ITPR3: variants seen among roughly 807,000 people sequenced by gnomAD.
ITPR3 encodes inositol 1,4,5-trisphosphate receptor type 3, also known as inositol 1,4,5-trisphosphate-gated calcium channel ITPR3.
ITPR3 carries 173 observed loss-of-function variants against 293.2 expected under a neutral mutation model. That is an observed-to-expected ratio of 0.59 (90% CI 0.52 to 0.67). ITPR3 has a LOEUF of 0.67. Among genes scored for constraint, ITPR3 ranks in the 30% least tolerant of loss-of-function variants. ITPR3 has a pLI of 0.00. For synonymous variants in ITPR3, 1,295 were observed against 1,444.4 expected, an observed-to-expected ratio of 0.90 and a Z score of 2.35; for missense variants, 2,796 against 3,592.1, an observed-to-expected ratio of 0.78 and a Z score of 5.66.
rs943513573 is a variant in ITPR3 at position 33,675,619 on chromosome 6, GC to G, written c.3117-68del. ...TGGCGGAGAGTGTGCTTGTGCCAGG[GC>G]CCCTTACCCACCACGGACAGCAGGG... On this transcript the variant is annotated intron_variant, in intron 24 of 57. Transcript: ENST00000605930. The surrounding 1 kb of genome is among the most constrained non-coding windows in gnomAD (Gnocchi z 5.0). 7.4e-5 allele frequency: 110 copies of G among 1,488,880 alleles called. No homozygotes were observed. Among genetic ancestry groups the G allele is most frequent in the Non-Finnish European group, 8.5e-5 (95 of 1,112,222 alleles). 92.2% of individuals were successfully genotyped at this position (1,488,880 alleles called of 1,614,324 possible).
chr6:33,687,549 G>A lies in ITPR3; in HGVS notation c.6249G>A (p.Glu2083=), dbSNP rs1765267515. ...PVKRIQEEEA[E]GISSMLSLNN... ...AGCGCATTCAAGAGGAGGAGGCCGAGGGTATCTCTTCCATGGTGGGTGCTG... is the reference window on the plus strand; with the variant it reads ...AGCGCATTCAAGAGGAGGAGGCCGAAGGTATCTCTTCCATGGTGGGTGCTG... Residue 2083 remains glutamate (E), a synonymous_variant, in exon 46 of 58, where the codon GAG becomes GAA. Transcript: ENST00000605930. This position sits in a 1 kb window ranked among gnomAD's most constrained non-coding sequence, Gnocchi z 5.3. The A allele has an allele frequency of 1.3e-6, 2 of 1,587,408 alleles. No homozygotes were observed. Among genetic ancestry groups the A allele is most frequent in the East Asian group, 4.6e-5 (2 of 43,882 alleles).
chr6:33,680,792 C>A, intron 33 of ITPR3, 112 bp downstream of exon 33: 81 of 1,045,956 alleles, frequency 7.7e-5, no homozygotes, highest in Non-Finnish European at 9.3e-5. Flanking sequence ...AAAGAAGTAA[C>A]AAAAGGATAC....
rs184259441 is a variant in ITPR3, at chr6:33,650,064, G to A, written c.161-5702G>A. On this transcript the variant is annotated intron_variant, in intron 2 of 57. Coordinates refer to ENST00000605930, the MANE Select transcript of ITPR3 (RefSeq NM_002224.4). ...CCGGGACACACAATCCTTACTTTAG[G>A]AAACCTCCCTGGACCCTCCACCTTT... Among the ~76,000 whole-genome samples, 4 of 152,250 alleles carry A rather than the reference G, an allele frequency of 2.6e-5. No homozygotes were observed. The East Asian group carries it at 7.7e-4, about 29-fold the overall frequency.
intron 22 of ITPR3, 71 bp from the exon 23 acceptor site, chr6:33,673,520 A>T: frequency 6.3e-7 from 1 of 1,580,504 alleles, no homozygotes; most frequent in Non-Finnish European, 8.6e-7. Context: ...CCCCCCATAA[A>T]GTAGGAAGGG....
intron 7 of ITPR3, among the ~76,000 whole-genome samples, chr6:33,661,434 A>G (rs1157644691): frequency 6.6e-6 from 1 of 152,210 alleles, no homozygotes; most frequent in Non-Finnish European, 1.5e-5. Flanking sequence ...TCGGCAGGAT[A>G]CTTACCTTCT....
At chr6:33,688,597 A>C (rs1765303575) in intron 48 of ITPR3, 59 bp from the exon 49 acceptor site, 2 of 1,604,430 alleles carry the variant, frequency 1.2e-6, no homozygotes, top group Non-Finnish European at 1.7e-6. Context: ...CCCCACATGC[A>C]AGGGGCAGGG....
chr6:33,639,446 C>CAACCAGGGAGA (rs1763898960), intron 1 of ITPR3, among the ~76,000 whole-genome samples: 8 of 151,238 alleles, frequency 5.3e-5, no homozygotes, highest in Admixed American at 5.3e-4. Context: ...AGAAGGAGCA[C>CAACCAGGGAGA]GGGCTTTGAA....
chr6:33,651,929 A>G (rs1764200700), intron 2 of ITPR3, among the ~76,000 whole-genome samples: 1 of 152,154 alleles, frequency 6.6e-6, no homozygotes. Context: ...GAAAAGCTTG[A>G]GACCCCTGCT....
At chr6:33,678,358 C>CA in intron 28 of ITPR3, 63 bp from the exon 29 acceptor site, 1 of 1,592,578 alleles carries the variant, frequency 6.3e-7, no homozygotes. Flanking sequence ...TGTCAGAGCT[C>CA]AGCCAGGGCC....
chr6:33,662,968 T>C lies in ITPR3; in HGVS notation c.916T>C (p.Phe306Leu), dbSNP rs1279838842. Residue 306 changes from phenylalanine (F) to leucine (L), a missense_variant, in exon 9 of 58, where the codon TTC (phenylalanine) becomes CTC (leucine). Phe to Leu is a conservative substitution (Grantham distance 22). Coordinates refer to ENST00000605930, the MANE Select transcript of ITPR3 (RefSeq NM_002224.4). ...GAGHWNGLYR[F>L]KHLATGNYLA... ...TGGGCACTGGAATGGCTTGTACCGC[T>C]TCAAGCACCTGGCTACAGGCAACTA... is the stretch of plus-strand genomic sequence containing the variant. 2 of 1,604,422 alleles carry C rather than the reference T, an allele frequency of 1.2e-6. No individual in the cohort carries two copies. Among genetic ancestry groups the C allele is most frequent in the Non-Finnish European group, 1.7e-6 (2 of 1,175,214 alleles).
In ITPR3 at chr6:33,686,389, C is replaced by A. The variant is rs773801490; in HGVS notation, c.5869-20C>A. On this transcript the variant is annotated intron_variant, in intron 42 of 57. Transcript: ENST00000605930. ...TTCTGAGAGGGCCTGGGCCCTGTGT[C>A]CCCCACTGCCTCCTGCCAGACTTGC... 10 of 1,605,496 alleles carry A rather than the reference C, an allele frequency of 6.2e-6. No individual in the cohort carries two copies. The highest frequency in any genetic ancestry group is 8.5e-6 in the Non-Finnish European group (10 of 1,172,244).
chr6:33,679,824 G>T lies in ITPR3; in HGVS notation c.3973-58G>T. On this transcript the variant is annotated intron_variant, in intron 30 of 57. Transcript: ENST00000605930. This position sits in a 1 kb window ranked among gnomAD's most constrained non-coding sequence, Gnocchi z 4.2. ...TTTCTCCCTGGTAAGCAACGGAGAG[G>T]AGAGCCCAGGGCTTGCTGGACCGAG... 1 of 1,561,184 alleles carries T rather than the reference G, an allele frequency of 6.4e-7. No homozygotes were observed. The highest frequency in any genetic ancestry group is 8.7e-7 in the Non-Finnish European group (1 of 1,149,950).
At chr6:33,688,931 C>A (rs1765314436) in intron 49 of ITPR3, 150 bp downstream of exon 49, 1 of 1,131,528 alleles carries the variant, frequency 8.8e-7, no homozygotes. Flanking sequence ...GGGCTCTCGC[C>A]CCATCATGGA....
chr6:33,689,655 A>C (rs1404651636), intron 50 of ITPR3, among the ~76,000 whole-genome samples: 1 of 152,270 alleles, frequency 6.6e-6, no homozygotes, highest in Non-Finnish European at 1.5e-5. Flanking sequence ...CAACAGGGTC[A>C]GGGTGGCTGT....
intron 18 of ITPR3, among the ~76,000 whole-genome samples, 160 bp downstream of exon 18, chr6:33,669,316 C>T (rs1404715565): frequency 6.6e-6 from 1 of 152,214 alleles, no homozygotes; most frequent in Non-Finnish European, 1.5e-5. Flanking sequence ...GCCACGAAGC[C>T]TCATTCCAGG....
In ITPR3 at chr6:33,687,484, A is replaced by G; in HGVS notation, c.6184A>G (p.Arg2062Gly). ...GTGCTGCCATTTCCCTCAGCTCTCC[A>G]GGCACAATAAACAGCTGCAGCACCT... ...NIYILALQLS[R>G]HNKQLQHLLK... The change falls in exon 46 of 58, where the codon AGG (arginine) becomes GGG (glycine). Residue 2062 changes from arginine (R) to glycine (G), a missense_variant. Physicochemically the swap from Arg to Gly is moderately radical, Grantham distance 125. Around this residue, in one of 8 missense-constraint regions of ITPR3, gnomAD observed 704 missense variants for 797.5 expected, o/e 0.88. Transcript: ENST00000605930. The surrounding 1 kb of genome is among the most constrained non-coding windows in gnomAD (Gnocchi z 5.3). The G allele has an allele frequency of 6.2e-7, 1 of 1,610,972 alleles. No individual in the cohort carries two copies. The highest frequency in any genetic ancestry group is 8.5e-7 in the Non-Finnish European group (1 of 1,179,264).
rs41267657 is a variant in ITPR3 at position 33,658,623 on chromosome 6, C to T, written c.370-47C>T. 1,194 of 1,603,568 alleles carry T rather than the reference C, an allele frequency of 7.4e-4. 4 individuals carry two copies. Among genetic ancestry groups the T allele is most frequent in the African/African-American group, 5.9e-3 (443 of 74,868 alleles). On this transcript the variant is annotated intron_variant, in intron 4 of 57. Coordinates refer to ENST00000605930, the MANE Select transcript of ITPR3 (RefSeq NM_002224.4). This position sits in a 1 kb window ranked among gnomAD's most constrained non-coding sequence, Gnocchi z 6.1. Reference sequence around the variant, plus strand: ...CCCCCATATCCCCTCCCTAATGGGCCGACTCCTGTGGCGCGGTGACCTTCC... The same window carrying T: ...CCCCCATATCCCCTCCCTAATGGGCTGACTCCTGTGGCGCGGTGACCTTCC...
chr6:33,626,059 C>T (rs762366297), intron 1 of ITPR3, among the ~76,000 whole-genome samples: 24 of 152,140 alleles, frequency 1.6e-4, no homozygotes, highest in Non-Finnish European at 2.6e-4. Context: ...CTCAGCCGCC[C>T]GAGTAGCTGG....
Position 33,621,369 on chromosome 6 carries a change from G to C in ITPR3, c.-234G>C, listed in dbSNP as rs561406215. On this transcript the variant is annotated 5_prime_UTR_variant, in exon 1 of 58. Coordinates refer to ENST00000605930, the MANE Select transcript of ITPR3 (RefSeq NM_002224.4). This position sits in a 1 kb window ranked among gnomAD's most constrained non-coding sequence, Gnocchi z 7.7. ...TGCAGGTACGCGCGGGCCGGGCGGGGCGGGCGGGCGGCGGGCGCGCCAAGA... is the reference window on the plus strand; with the variant it reads ...TGCAGGTACGCGCGGGCCGGGCGGGCCGGGCGGGCGGCGGGCGCGCCAAGA... 1.5e-3 allele frequency: 362 copies of C among 248,432 alleles called. 2 individuals are homozygous for C. The highest frequency in any genetic ancestry group is 7.2e-3 in the South Asian group (47 of 6,562). 15.4% of individuals were successfully genotyped at this position (248,432 alleles called of 1,614,324 possible).
Sources: gnomAD v4.1 joint callset for allele counts (sites outside exome capture counted in the v4.1 genomes callset) on GRCh38, gnomAD v4.1.1 for gene constraint, gnomAD v4.1.1 regional missense constraint, Gnocchi (gnomAD v3.1) non-coding constraint, MANE v1.5 for transcripts, NCBI Gene and HGNC (gene_info 2026-07-23, HGNC 2026-07-21) for gene names.